The following MCF2L2 variants were observed in gnomAD, a reference collection of about 807,000 sequenced individuals.
The protein encoded by MCF2L2 is probable guanine nucleotide exchange factor MCF2L2.
In MCF2L2, 102 loss-of-function variants were observed where a neutral mutation model predicts 150.2. The observed-to-expected ratio is 0.68, with a 90% confidence interval of 0.58 to 0.80. The LOEUF is 0.80. Ranked by LOEUF, MCF2L2 falls within the 30% of genes least tolerant of loss-of-function variation. MCF2L2 has a pLI of 0.00. For missense variants in MCF2L2, 1,256 were observed against 1,372.8 expected (o/e 0.91, Z 1.34); for synonymous variants, 465 against 491.3 (o/e 0.95, Z 0.71).
At chr3:183,315,706 CT>C (rs1729576728) in intron 7 of MCF2L2, among the ~76,000 whole-genome samples, 2 of 152,094 alleles carry the variant, frequency 1.3e-5, no homozygotes, top group African/African-American at 4.8e-5. Context: ...TCTTTCCCAC[CT>C]TTTTACCTCT....
At chr3:183,269,831 A>C (rs1726568072) in intron 15 of MCF2L2, 1 of 1,611,786 alleles carries the variant, frequency 6.2e-7, no homozygotes. Context: ...GAAGAGTCAA[A>C]AAATGGCAGT....
At position 183,270,270 on chromosome 3, in the gene MCF2L2, C is replaced by T; in HGVS notation, c.1862+6602G>A. The T allele has an allele frequency of 6.2e-7, 1 of 1,614,136 alleles. No homozygotes were observed. Among genetic ancestry groups the T allele is most frequent in the Non-Finnish European group, 8.5e-7 (1 of 1,180,004 alleles). On this transcript the variant is annotated intron_variant, in intron 15 of 29. Transcript: ENST00000328913. The surrounding 1 kb of genome is among the most constrained non-coding windows in gnomAD (Gnocchi z 4.5). ...AGATCAAAGGTACAATGATATAATTCAGCAAGACTTTGTTGATTCTTTCTA... is the reference window on the plus strand; with the variant it reads ...AGATCAAAGGTACAATGATATAATTTAGCAAGACTTTGTTGATTCTTTCTA...
intron 6 of MCF2L2, among the ~76,000 whole-genome samples, chr3:183,319,565 C>T (rs1264028216): frequency 6.8e-6 from 1 of 147,412 alleles, no homozygotes; most frequent in Non-Finnish European, 1.5e-5. Flanking sequence ...TATAGCTTTA[C>T]AAAGCATATT....
At chr3:183,251,814 G>C (rs1055488760) in intron 15 of MCF2L2, among the ~76,000 whole-genome samples, 11 of 151,782 alleles carry the variant, frequency 7.2e-5, no homozygotes, top group African/African-American at 2.2e-4. Context: ...AAGGGGACTT[G>C]CCTGTCCTCT....
intron 2 of MCF2L2, among the ~76,000 whole-genome samples, chr3:183,383,766 T>C (rs1713671964): frequency 6.6e-6 from 1 of 152,166 alleles, no homozygotes; most frequent in East Asian, 1.9e-4. Context: ...TTCCTTATAT[T>C]TTATTTTTTA....
chr3:183,291,441 T>C (rs1003412699), intron 13 of MCF2L2, among the ~76,000 whole-genome samples: 2 of 152,270 alleles, frequency 1.3e-5, no homozygotes. Context: ...GTAGATCATA[T>C]ACAATGCATA....
chr3:183,352,991 G>A (rs753322444), intron 3 of MCF2L2, among the ~76,000 whole-genome samples: 10 of 152,094 alleles, frequency 6.6e-5, no homozygotes, highest in Non-Finnish European at 1.2e-4. Flanking sequence ...TATCCGCTTC[G>A]AGGTAACGAT....
At chr3:183,272,351 T>C (rs1726850919) in intron 15 of MCF2L2, 3 of 1,000,268 alleles carry the variant, frequency 3.0e-6, no homozygotes, top group Non-Finnish European at 3.6e-6. Context: ...GAACTCACTC[T>C]AAGGCCTTTG....
intron 5 of MCF2L2, among the ~76,000 whole-genome samples, chr3:183,328,747 T>C (rs1730152365): frequency 6.6e-6 from 1 of 152,148 alleles, no homozygotes; most frequent in African/African-American, 2.4e-5. Context: ...AAATCCAACC[T>C]ACAAACTGAG....
intron 1 of MCF2L2, among the ~76,000 whole-genome samples, chr3:183,419,544 T>A (rs943437599): frequency 2.0e-5 from 3 of 152,240 alleles, no homozygotes; most frequent in African/African-American, 7.2e-5. Context: ...TCTTTGTGAA[T>A]GCATATAACT....
chr3:183,285,810 T>C (rs1727758350), intron 14 of MCF2L2, among the ~76,000 whole-genome samples: 1 of 152,186 alleles, frequency 6.6e-6, no homozygotes, highest in Admixed American at 6.5e-5. Context: ...CACTGCTAGC[T>C]CTTTCTTAAT....
At chr3:183,273,519 T>C (rs1403149346) in intron 15 of MCF2L2, 1 of 152,420 alleles carries the variant, frequency 6.6e-6, no homozygotes, top group Non-Finnish European at 1.5e-5. Context: ...CCACCTAAGA[T>C]GTACTTTTTG....
intron 3 of MCF2L2, among the ~76,000 whole-genome samples, chr3:183,357,298 A>G (rs1446116593): frequency 2.6e-5 from 4 of 152,244 alleles, no homozygotes; most frequent in African/African-American, 9.6e-5. Context: ...CAAGCAAGAT[A>G]CTAATTTTCA....
rs977210047 is a variant in MCF2L2, at chr3:183,229,727, G to A, written c.1984C>T (p.Leu662Phe). Reference protein sequence around the residue: ...IWLKHLIPDVLQNNKDFLFGN... With the variant: ...IWLKHLIPDVFQNNKDFLFGN... ...AAGAGAAAGTCCTTGTTATTCTGAA[G>A]AACATCTGGAATTAGATGCTTTAGC... is the stretch of plus-strand genomic sequence containing the variant. Residue 662 changes from leucine to phenylalanine, a missense_variant, in exon 17 of 30, where the codon CTT becomes TTT. Coordinates refer to ENST00000328913, the MANE Select transcript of MCF2L2 (RefSeq NM_015078.4). 1 of 1,605,154 alleles carries A rather than the reference G, an allele frequency of 6.2e-7. No individual in the cohort carries two copies. The highest frequency in any genetic ancestry group is 1.7e-5 in the Admixed American group (1 of 59,270).
chr3:183,411,215 C>A (rs753190113), intron 1 of MCF2L2, among the ~76,000 whole-genome samples: 5 of 152,108 alleles, frequency 3.3e-5, no homozygotes, highest in Admixed American at 6.5e-5. Flanking sequence ...GTGTTAAATT[C>A]CAAAATCTCT....
chr3:183,333,069 CAG>C (rs1730332580), intron 5 of MCF2L2, among the ~76,000 whole-genome samples: 1 of 151,996 alleles, frequency 6.6e-6, no homozygotes, highest in African/African-American at 2.4e-5. Context: ...TTTTTTGAGA[CAG>C]AGCCTTGCTC....
rs563252073 is a variant in MCF2L2, at chr3:183,365,325, T to C, written c.275+13972A>G. On this transcript the variant is annotated intron_variant, in intron 3 of 29. Coordinates refer to ENST00000328913, the MANE Select transcript of MCF2L2 (RefSeq NM_015078.4). The stretch of plus-strand genomic sequence containing the variant: ...AAGATCAACAAGTTTTTCTTTTCTT[T>C]TTTATGAAGCTAGACAAATAGAAAA... 3.3e-5 allele frequency among the ~76,000 whole-genome samples: 5 copies of C among 152,348 alleles called. No homozygotes were observed. In the East Asian group the frequency reaches 9.6e-4, roughly 29 times the overall value.
chr3:183,205,565 G>A (rs1291047805), intron 25 of MCF2L2, among the ~76,000 whole-genome samples: 1 of 152,052 alleles, frequency 6.6e-6, no homozygotes, highest in Non-Finnish European at 1.5e-5. Flanking sequence ...AGGTAGCATT[G>A]GCCATTTGAA....
At chr3:183,238,682 A>G (rs1723858519) in intron 15 of MCF2L2, among the ~76,000 whole-genome samples, 1 of 151,588 alleles carries the variant, frequency 6.6e-6, no homozygotes, top group Admixed American at 6.6e-5. Flanking sequence ...CCCCTGTTCC[A>G]AAGCATGTAA....
Sources: allele counts gnomAD v4.1 joint callset (sites outside exome capture counted in the v4.1 genomes callset), GRCh38; gene constraint gnomAD v4.1.1; non-coding constraint Gnocchi (gnomAD v3.1); transcripts MANE v1.5; gene names NCBI Gene and HGNC (gene_info 2026-07-23, HGNC 2026-07-21).